PTPRN2: variants seen among roughly 807,000 people sequenced by gnomAD.
PTPRN2 encodes the protein protein tyrosine phosphatase receptor type N2.
In PTPRN2, 74 loss-of-function variants were observed where a neutral mutation model predicts 118.8. That is an observed-to-expected ratio of 0.62 (90% CI 0.52 to 0.76). PTPRN2 has a LOEUF of 0.76. Ranked by LOEUF, PTPRN2 falls within the 30% of genes least tolerant of loss-of-function variation. The probability of loss-of-function intolerance (pLI) is 0.00; values close to 1 mark genes in which losing one functional copy is unlikely to be tolerated. For synonymous variants in PTPRN2, 641 were observed against 608.0 expected, an observed-to-expected ratio of 1.05 and a Z score of -0.80; for missense variants, 1,481 against 1,394.4, an observed-to-expected ratio of 1.06 and a Z score of -0.99.
intron 2 of PTPRN2, among the ~76,000 whole-genome samples, chr7:158,331,020 TCCACAC>T: frequency 5.9e-5 from 1 of 17,078 alleles, no homozygotes; most frequent in Non-Finnish European, 1.2e-4. Context: ...GTCACTCACA[TCCACAC>T]TCTCACCATA....
At chr7:158,157,718 C>A (rs1430767975) in intron 6 of PTPRN2, among the ~76,000 whole-genome samples, 1 of 152,084 alleles carries the variant, frequency 6.6e-6, no homozygotes, top group African/African-American at 2.4e-5. Flanking sequence ...TGAGACGAAC[C>A]CTGTTCCCGC....
intron 3 of PTPRN2, among the ~76,000 whole-genome samples, chr7:158,263,882 C>T (rs1398738866): frequency 6.6e-6 from 1 of 152,188 alleles, no homozygotes; most frequent in Non-Finnish European, 1.5e-5. Flanking sequence ...CAGCACCTCC[C>T]TAGCACACCC....
chr7:157,968,888 C>T (rs368515258), intron 11 of PTPRN2, among the ~76,000 whole-genome samples: 1 of 152,288 alleles, frequency 6.6e-6, no homozygotes, highest in East Asian at 1.9e-4. Flanking sequence ...TGAGTTAAAA[C>T]GAGCAGTAGG....
In PTPRN2 at chr7:158,546,819, A is replaced by T. The variant is rs1242678316; in HGVS notation, c.112+40739T>A. 6.6e-6 allele frequency among the ~76,000 whole-genome samples: 1 copy of T among 152,202 alleles called. No individual in the cohort carries two copies. The highest frequency in any genetic ancestry group is 1.9e-4 in the East Asian group (1 of 5,190). On this transcript the variant is annotated intron_variant, in intron 1 of 22. Coordinates refer to ENST00000389418, the MANE Select transcript of PTPRN2 (RefSeq NM_002847.5). The surrounding 1 kb of genome is among the most constrained non-coding windows in gnomAD (Gnocchi z 5.0). ...CGTATGCACCAACATGCAGATGCACACACAGGGCATGGGCACTCCAGAGGG... is the reference window on the plus strand; with the variant it reads ...CGTATGCACCAACATGCAGATGCACTCACAGGGCATGGGCACTCCAGAGGG...
intron 11 of PTPRN2, among the ~76,000 whole-genome samples, chr7:157,915,360 C>T (rs1227909394): frequency 6.6e-6 from 1 of 152,168 alleles, no homozygotes; most frequent in African/African-American, 2.4e-5. Context: ...GATGTTGTGG[C>T]TGTCCAGGCA....
At chr7:157,601,028 G>C (rs1801639692) in intron 16 of PTPRN2, among the ~76,000 whole-genome samples, 1 of 152,204 alleles carries the variant, frequency 6.6e-6, no homozygotes, top group Non-Finnish European at 1.5e-5. Context: ...TTTCAGAGTT[G>C]TCCTGGTAAT....
chr7:157,649,628 T>C (rs1183561280), intron 14 of PTPRN2, among the ~76,000 whole-genome samples: 1 of 67,556 alleles, frequency 1.5e-5, no homozygotes. Context: ...TCCGATCCAT[T>C]CACTGTGCAC....
In PTPRN2 at chr7:157,674,646, C is replaced by T. The variant is rs1010767220; in HGVS notation, c.2001+8079G>A. The stretch of plus-strand genomic sequence containing the variant: ...TTCACCACAGAGGCGCATTCTCTCT[C>T]GTGCCCATCAAGGCAGAGGCTGAGA... On this transcript the variant is annotated intron_variant, in intron 13 of 22. Coordinates refer to ENST00000389418, the MANE Select transcript of PTPRN2 (RefSeq NM_002847.5). This position sits in a 1 kb window ranked among gnomAD's most constrained non-coding sequence, Gnocchi z 4.5. Among the ~76,000 whole-genome samples the T allele has an allele frequency of 7.9e-5, 12 of 152,240 alleles. No homozygotes were observed. The highest frequency in any genetic ancestry group is 7.7e-4 in the East Asian group (4 of 5,186).
chr7:158,267,276 G>T (rs549606662), intron 3 of PTPRN2, among the ~76,000 whole-genome samples: 1 of 152,150 alleles, frequency 6.6e-6, no homozygotes, highest in Non-Finnish European at 1.5e-5. Context: ...CTGGGTGCTG[G>T]AGTTGACCGG....
intron 22 of PTPRN2, among the ~76,000 whole-genome samples, chr7:157,543,246 G>T (rs1282070406): frequency 2.0e-5 from 3 of 152,242 alleles, no homozygotes; most frequent in African/African-American, 4.8e-5. Context: ...CATTCGAGAG[G>T]CCGAGTCAGG....
intron 3 of PTPRN2, among the ~76,000 whole-genome samples, chr7:158,290,994 T>C (rs1800086556): frequency 6.6e-6 from 1 of 152,134 alleles, no homozygotes; most frequent in Admixed American, 6.6e-5. Flanking sequence ...GCAGATAAAA[T>C]GTGGATGCTC....
chr7:158,032,552 C>T (rs1392342660), intron 11 of PTPRN2, among the ~76,000 whole-genome samples: 1 of 152,110 alleles, frequency 6.6e-6, no homozygotes, highest in Non-Finnish European at 1.5e-5. Context: ...GCCTCTGATG[C>T]ACAGAGACGT....
intron 2 of PTPRN2, among the ~76,000 whole-genome samples, chr7:158,324,612 C>T (rs1438639970): frequency 6.6e-6 from 1 of 151,670 alleles, no homozygotes; most frequent in African/African-American, 2.4e-5. Flanking sequence ...CTCAGAGGGC[C>T]GATTGACCCC....
intron 6 of PTPRN2, among the ~76,000 whole-genome samples, chr7:158,158,791 A>T (rs113442710): frequency 1.3e-5 from 1 of 76,082 alleles, no homozygotes; most frequent in East Asian, 3.2e-4. Context: ...GGACTTCGCA[A>T]GTGCTTCCTG....
At position 158,277,051 on chromosome 7, in the gene PTPRN2, T is replaced by C. The variant is rs533904178; in HGVS notation, c.277+39768A>G. Among the ~76,000 whole-genome samples the C allele has an allele frequency of 9.8e-4, 149 of 152,068 alleles. 3 individuals are homozygous for C. Among genetic ancestry groups the C allele is most frequent in the African/African-American group, 3.5e-3 (147 of 41,484 alleles). On this transcript the variant is annotated intron_variant, in intron 3 of 22. Transcript: ENST00000389418. ...CCTGCAAGATCCCCACGGGCAAGAG[T>C]GGCTGATCAGAGCTCCATGAACAGC...
At chr7:158,333,348 C>T (rs1198044660) in intron 2 of PTPRN2, among the ~76,000 whole-genome samples, 1 of 141,628 alleles carries the variant, frequency 7.1e-6, no homozygotes, top group East Asian at 2.1e-4. Context: ...AGAGGTGACA[C>T]CTGCAGACGT....
At position 158,110,835 on chromosome 7, in the gene PTPRN2, T is replaced by C; in HGVS notation, c.1637A>G (p.Asp546Gly). The stretch of plus-strand genomic sequence containing the variant: ...CCCAGGGCCCCGTACTTACTCCACG[T>C]CAGCGAACGCACTGCTGGGCACCTG... ...LLQVPSSAFA[D>G]VEVLGPAVTF... The change falls in exon 10 of 23, where the codon GAC becomes GGC. Residue 546 changes from aspartate to glycine, a missense_variant. By Grantham distance (94) the Asp-to-Gly change is moderately conservative. Around this residue, in one of 3 missense-constraint regions of PTPRN2, gnomAD observed 1,115 missense variants for 994.2 expected, o/e 1.12. Coordinates refer to ENST00000389418, the MANE Select transcript of PTPRN2 (RefSeq NM_002847.5). 1.3e-6 allele frequency: 2 copies of C among 1,585,526 alleles called. No homozygotes were observed. Among genetic ancestry groups the C allele is most frequent in the Middle Eastern group, 1.7e-4 (1 of 6,022 alleles).
chr7:158,086,966 T>G (rs931223086), intron 10 of PTPRN2, among the ~76,000 whole-genome samples: 5 of 152,222 alleles, frequency 3.3e-5, no homozygotes, highest in Non-Finnish European at 7.3e-5. Context: ...GAGATCCAAT[T>G]GTTTGTTTAA....
At chr7:158,026,351 G>A (rs1244458755) in intron 11 of PTPRN2, among the ~76,000 whole-genome samples, 1 of 152,136 alleles carries the variant, frequency 6.6e-6, no homozygotes, top group African/African-American at 2.4e-5. Context: ...GCTCGCTGGG[G>A]GGGACCATAA....
Sources: gnomAD v4.1 joint callset for allele counts (sites outside exome capture counted in the v4.1 genomes callset) on GRCh38, gnomAD v4.1.1 for gene constraint, gnomAD v4.1.1 regional missense constraint, Gnocchi (gnomAD v3.1) non-coding constraint, MANE v1.5 for transcripts, NCBI Gene and HGNC (gene_info 2026-07-23, HGNC 2026-07-21) for gene names.